CLIC5: variants seen among roughly 807,000 people sequenced by gnomAD.
CLIC5 encodes the protein CLIC family member 5, also known as chloride intracellular channel protein 5.
In CLIC5, 20 loss-of-function variants were observed where a neutral mutation model predicts 24.7. The ratio of observed to expected loss-of-function variants is 0.81; its 90% confidence interval spans 0.57 to 1.18. CLIC5 has a LOEUF of 1.18. Ranked by LOEUF, CLIC5 falls within the 50% of genes most tolerant of loss-of-function variation. The pLI is 0.00. For missense variants in CLIC5, 341 were observed against 326.1 expected (o/e 1.05, Z -0.35); for synonymous variants, 159 against 135.6 (o/e 1.17, Z -1.20).
At chr6:45,987,169 A>C (rs180851361) in intron 1 of CLIC5, among the ~76,000 whole-genome samples, 1 of 152,326 alleles carries the variant, frequency 6.6e-6, no homozygotes, top group African/African-American at 2.4e-5. Flanking sequence ...GCTCTGCAAA[A>C]TGTTTGCTTC....
chr6:45,964,684 G>A (rs1325049054), intron 1 of CLIC5, among the ~76,000 whole-genome samples: 1 of 152,198 alleles, frequency 6.6e-6, no homozygotes, highest in African/African-American at 2.4e-5. Context: ...TGAGATTTCA[G>A]ATTATTCCAG....
chr6:46,037,197 A>T (rs1767686747), intron 1 of CLIC5, among the ~76,000 whole-genome samples: 1 of 152,148 alleles, frequency 6.6e-6, no homozygotes, highest in Admixed American at 6.5e-5. Flanking sequence ...TACTTACAAC[A>T]TGCTAAAGAG....
At chr6:46,118,738 C>A in the CLIC5 span, among the ~76,000 whole-genome samples, 2 of 152,222 alleles carry the variant, frequency 1.3e-5, no homozygotes, top group Admixed American at 6.5e-5. Flanking sequence ...TAACATACTT[C>A]TCTTATCTTG....
Position 45,955,233 on chromosome 6 carries a change from A to T in CLIC5, c.75T>A (p.Asp25Glu). ...AAGGACAGTTGCCGATGCTTTCTCC[A>T]TCGATTCCAGCCTGGAAAGAAGAGA... ...EIELFVKAGI[D>E]GESIGNCPFS... Residue 25 changes from aspartate (D) to glutamate (E), a missense_variant, in exon 2 of 6, where the codon GAT becomes GAA. Coordinates refer to ENST00000339561, the MANE Select transcript of CLIC5 (RefSeq NM_016929.5). The T allele has an allele frequency of 6.2e-7, 1 of 1,613,576 alleles. No homozygotes were observed. Among genetic ancestry groups the T allele is most frequent in the Non-Finnish European group, 8.5e-7 (1 of 1,179,566 alleles).
chr6:45,930,577 A>C (rs3798262), intron 4 of CLIC5, among the ~76,000 whole-genome samples: 4 of 151,996 alleles, frequency 2.6e-5, no homozygotes, highest in Non-Finnish European at 4.4e-5. Flanking sequence ...TGAATAAATC[A>C]CATCAGCTGG....
intron 1 of CLIC5, among the ~76,000 whole-genome samples, chr6:46,062,882 C>T (rs996945905): frequency 6.6e-6 from 1 of 152,100 alleles, no homozygotes; most frequent in African/African-American, 2.4e-5. Context: ...TCATCAGAGG[C>T]TTGAATGGTA....
At chr6:46,024,821 A>G (rs1206838599) in intron 1 of CLIC5, among the ~76,000 whole-genome samples, 7 of 152,186 alleles carry the variant, frequency 4.6e-5, no homozygotes, top group Non-Finnish European at 1.0e-4. Context: ...CAACACAGTG[A>G]TACACTTTAA....
At chr6:46,045,519 C>T (rs367952932) in intron 1 of CLIC5, among the ~76,000 whole-genome samples, 15 of 152,250 alleles carry the variant, frequency 9.9e-5, no homozygotes, top group African/African-American at 3.6e-4. Flanking sequence ...TGCTGGTTGC[C>T]AAGAAACCAT....
At chr6:45,978,807 G>C (rs112530131) in intron 1 of CLIC5, among the ~76,000 whole-genome samples, 2 of 152,086 alleles carry the variant, frequency 1.3e-5, no homozygotes, top group East Asian at 1.9e-4. Flanking sequence ...AACATTAGCC[G>C]GGCATGGTGG....
At chr6:46,088,161 C>CTGTGTGTGTGTGTGTGTG in the CLIC5 span, among the ~76,000 whole-genome samples, 58 of 146,446 alleles carry the variant, frequency 4.0e-4, no homozygotes, top group Admixed American at 1.4e-3. Context: ...CGCTCTCTTT[C>CTGTGTGTGTGTGTGTGTG]TGTGTGTGTG....
At chr6:46,095,451 G>T in the CLIC5 span, among the ~76,000 whole-genome samples, 718 of 152,276 alleles carry the variant, frequency 4.7e-3, 8 homozygotes, top group Middle Eastern at 0.02. Flanking sequence ...AACATAAGTT[G>T]TTAGAAGCAG....
At chr6:46,069,972 A>T (rs1027797584) in intron 1 of CLIC5, among the ~76,000 whole-genome samples, 15 of 152,230 alleles carry the variant, frequency 9.9e-5, no homozygotes, top group African/African-American at 3.1e-4. Context: ...AGACAAAAAA[A>T]CGTGATTAAC....
chr6:46,060,621 C>G (rs1762230957), intron 1 of CLIC5, among the ~76,000 whole-genome samples: 2 of 152,142 alleles, frequency 1.3e-5, no homozygotes, highest in Admixed American at 1.3e-4. Flanking sequence ...CTTTGATCCA[C>G]TATGCTAAAC....
chr6:46,073,020 C>T (rs1178000843), intron 1 of CLIC5, among the ~76,000 whole-genome samples: 2 of 152,150 alleles, frequency 1.3e-5, no homozygotes, highest in Non-Finnish European at 2.9e-5. Flanking sequence ...TACTAGCTTG[C>T]CAGTGATTTG....
chr6:46,111,686 C>A, the CLIC5 span, among the ~76,000 whole-genome samples: 1 of 152,106 alleles, frequency 6.6e-6, no homozygotes. Context: ...CAACTATATA[C>A]AAAACATTTT....
the CLIC5 span, among the ~76,000 whole-genome samples, chr6:46,106,311 T>C: frequency 1.3e-5 from 2 of 152,160 alleles, no homozygotes; most frequent in African/African-American, 4.8e-5. Flanking sequence ...TTTCACCATG[T>C]TGGCCAGGAT....
intron 1 of CLIC5, among the ~76,000 whole-genome samples, chr6:46,074,150 T>C (rs1314598167): frequency 2.0e-5 from 3 of 152,218 alleles, no homozygotes; most frequent in Admixed American, 1.3e-4. Context: ...GTATATTTAC[T>C]CACTTACAAA....
chr6:45,902,063 A>G lies in CLIC5; in HGVS notation c.*1025T>C, dbSNP rs1762524719. On this transcript the variant is annotated 3_prime_UTR_variant, in exon 6 of 6. Coordinates refer to ENST00000339561, the MANE Select transcript of CLIC5 (RefSeq NM_016929.5). ...GACCCATTCTTGGGTTTTTACTGTA[A>G]GGTTAGCAGTTACATGATGCCACCA... 1 of 152,618 alleles carries G rather than the reference A, an allele frequency of 6.6e-6. No homozygotes were observed. The highest frequency in any genetic ancestry group is 6.5e-5 in the Admixed American group (1 of 15,282). 9.5% of individuals were successfully genotyped at this position (152,618 alleles called of 1,614,324 possible).
At chr6:46,073,895 T>C (rs1297264777) in intron 1 of CLIC5, among the ~76,000 whole-genome samples, 1 of 152,246 alleles carries the variant, frequency 6.6e-6, no homozygotes, top group Non-Finnish European at 1.5e-5. Flanking sequence ...GGGGATTTTA[T>C]AAGTTTCTCA....
Sources: allele counts gnomAD v4.1 joint callset (sites outside exome capture counted in the v4.1 genomes callset), GRCh38; gene constraint gnomAD v4.1.1; transcripts MANE v1.5; gene names NCBI Gene and HGNC (gene_info 2026-07-23, HGNC 2026-07-21).